SPATA13: variants seen among roughly 807,000 people sequenced by gnomAD.
SPATA13 encodes spermatogenesis associated 13.
Under a neutral mutation model 104.0 loss-of-function variants are expected in SPATA13, and 50 were observed. The observed-to-expected ratio is 0.48, with a 90% CI of 0.38 to 0.61. The LOEUF is 0.61. Ranked by LOEUF, SPATA13 falls within the 20% of genes least tolerant of loss-of-function variation. SPATA13 has a pLI of 0.00. For synonymous variants in SPATA13, 606 were observed against 667.5 expected (o/e 0.91, Z 1.42); for missense variants, 1,524 against 1,690.6 (o/e 0.90, Z 1.73).
chr13:24,022,884 T>C (rs1426762990), intron 3 of SPATA13, among the ~76,000 whole-genome samples: 3 of 152,252 alleles, frequency 2.0e-5, no homozygotes, highest in Middle Eastern at 6.8e-3. Flanking sequence ...AAAACTTTAG[T>C]TACCATTTTC....
Position 24,305,771 on chromosome 13 carries a change from G to C in SPATA13, c.*2998G>C, listed in dbSNP as rs1160118271. On this transcript the variant is annotated 3_prime_UTR_variant, in exon 13 of 13. Coordinates refer to ENST00000382108, the MANE Select transcript of SPATA13 (RefSeq NM_001166271.3). ...TTCCATTCTTCACGTTTCAGAATTGGTCGACTTTGTTAGAAGATAATTGAA... is the reference window on the plus strand; with the variant it reads ...TTCCATTCTTCACGTTTCAGAATTGCTCGACTTTGTTAGAAGATAATTGAA... 4.6e-5 allele frequency: 7 copies of C among 152,290 alleles called. No homozygotes were observed. Among genetic ancestry groups the C allele is most frequent in the African/African-American group, 1.7e-4 (7 of 41,548 alleles). The allele number at this position is 152,290 out of a possible 1,614,324, so 9.4% of individuals were successfully genotyped here.
At chr13:24,049,085 A>G (rs1377052845) in intron 3 of SPATA13, among the ~76,000 whole-genome samples, 2 of 152,234 alleles carry the variant, frequency 1.3e-5, no homozygotes, top group African/African-American at 4.8e-5. Context: ...AGAAATGTCT[A>G]AAGTCTTCTA....
intron 3 of SPATA13, among the ~76,000 whole-genome samples, chr13:24,154,945 A>T (rs144101110): frequency 1.4e-4 from 21 of 151,944 alleles, no homozygotes; most frequent in African/African-American, 2.2e-4. Context: ...GCAAACTCCA[A>T]CTCCCAGGTT....
At chr13:24,194,457 G>A (rs1281381197) in intron 1 of SPATA13, among the ~76,000 whole-genome samples, 2 of 152,150 alleles carry the variant, frequency 1.3e-5, no homozygotes, top group Admixed American at 6.5e-5. Flanking sequence ...CTGACAGAGC[G>A]AACCATCCAG....
At chr13:24,017,650 A>AT (rs1398034602) in intron 2 of SPATA13, 6 of 985,052 alleles carry the variant, frequency 6.1e-6, no homozygotes, top group Non-Finnish European at 7.2e-6. Flanking sequence ...AAAACAACTC[A>AT]TTTTTTTCCT....
intron 11 of SPATA13, among the ~76,000 whole-genome samples, chr13:24,299,696 G>T (rs1037349728): frequency 6.6e-6 from 1 of 152,180 alleles, no homozygotes; most frequent in Non-Finnish European, 1.5e-5. Context: ...AAGCTGGAGC[G>T]AGTACCTGCC....
At chr13:24,017,209 G>A (rs1156835619) in intron 2 of SPATA13, among the ~76,000 whole-genome samples, 3 of 152,342 alleles carry the variant, frequency 2.0e-5, no homozygotes, top group Middle Eastern at 3.4e-3. Flanking sequence ...ATGCTCACAC[G>A]TGCCAGGCAC....
intron 2 of SPATA13, among the ~76,000 whole-genome samples, chr13:23,997,657 T>C (rs1433594382): frequency 6.6e-6 from 1 of 152,208 alleles, no homozygotes; most frequent in African/African-American, 2.4e-5. Context: ...CATCTGCTTC[T>C]GTTGAGGCCT....
intron 1 of SPATA13, among the ~76,000 whole-genome samples, chr13:23,980,083 G>C (rs1874805943): frequency 1.3e-5 from 2 of 152,174 alleles, no homozygotes; most frequent in Non-Finnish European, 2.9e-5. Flanking sequence ...AGAAGGGATA[G>C]AGCTATAGGT....
At chr13:24,031,385 C>T (rs1027980149) in intron 3 of SPATA13, among the ~76,000 whole-genome samples, 1 of 152,226 alleles carries the variant, frequency 6.6e-6, no homozygotes, top group African/African-American at 2.4e-5. Flanking sequence ...CTAAGCCAGA[C>T]TTCCAATGTA....
intron 3 of SPATA13, among the ~76,000 whole-genome samples, chr13:24,148,412 C>A (rs1179166960): frequency 6.6e-6 from 1 of 151,962 alleles, no homozygotes; most frequent in East Asian, 1.9e-4. Context: ...GCAGAAATGG[C>A]CATAGGGTTG....
intron 3 of SPATA13, among the ~76,000 whole-genome samples, chr13:24,114,372 T>TGTGCACATGCGCGTGTGCCTGCATGC (rs1880759078): frequency 2.0e-5 from 3 of 152,256 alleles, no homozygotes; most frequent in Non-Finnish European, 4.4e-5. Flanking sequence ...TGCCTGCATG[T>TGTGCACATGCGCGTGTGCCTGCATGC]GTGCACATGC....
intron 3 of SPATA13, among the ~76,000 whole-genome samples, chr13:24,090,319 C>T (rs1478130085): frequency 1.3e-5 from 2 of 152,120 alleles, no homozygotes; most frequent in African/African-American, 4.8e-5. Flanking sequence ...GTTAATGGAG[C>T]TTCCCCTTTC....
At chr13:24,292,377 G>A (rs1461323672) in intron 9 of SPATA13, among the ~76,000 whole-genome samples, 1 of 152,184 alleles carries the variant, frequency 6.6e-6, no homozygotes, top group Non-Finnish European at 1.5e-5. Context: ...ATAGTCATAG[G>A]GCAACTGCTA....
In SPATA13 at chr13:24,223,603, C is replaced by T. The variant is rs1341489893; in HGVS notation, c.674C>T (p.Thr225Met). Residue 225 changes from threonine (T) to methionine (M), a missense_variant, in exon 2 of 13, where the codon ACG (threonine) becomes ATG (methionine). Transcript: ENST00000382108. Reference protein sequence around the residue: ...LDAPQNHATPTIATGQVPAVC... With the variant: ...LDAPQNHATPMIATGQVPAVC... ...GCGCCCCAGAACCATGCGACACCCA[C>T]GATAGCCACTGGCCAGGTGCCCGCC... The T allele has an allele frequency of 7.1e-6, 11 of 1,551,066 alleles. No homozygotes were observed. The highest frequency in any genetic ancestry group is 3.6e-5 in the South Asian group (3 of 84,068).
chr13:24,225,397 G>A (rs1871873197), intron 2 of SPATA13, among the ~76,000 whole-genome samples: 1 of 152,180 alleles, frequency 6.6e-6, no homozygotes, highest in African/African-American at 2.4e-5. Context: ...CGAGGGGAAC[G>A]TGGTGACGAG....
At chr13:24,002,673 C>A (rs1293825420) in intron 2 of SPATA13, among the ~76,000 whole-genome samples, 1 of 152,150 alleles carries the variant, frequency 6.6e-6, no homozygotes, top group African/African-American at 2.4e-5. Context: ...TGCCGCAAGC[C>A]TCGTCCGGCT....
chr13:24,266,792 T>C (rs916561444), intron 4 of SPATA13, among the ~76,000 whole-genome samples: 23 of 151,896 alleles, frequency 1.5e-4, no homozygotes, highest in African/African-American at 5.6e-4. Context: ...GATTTTTCTT[T>C]TTTCTTTTTT....
At chr13:24,191,448 C>T (rs1869738732) in intron 1 of SPATA13, among the ~76,000 whole-genome samples, 1 of 150,696 alleles carries the variant, frequency 6.6e-6, no homozygotes, top group African/African-American at 2.4e-5. Flanking sequence ...ACCAAACCTG[C>T]AATATCTCCC....
Sources: allele counts gnomAD v4.1 joint callset (sites outside exome capture counted in the v4.1 genomes callset), GRCh38; gene constraint gnomAD v4.1.1; transcripts MANE v1.5; gene names NCBI Gene and HGNC (gene_info 2026-07-23, HGNC 2026-07-21).